The following NRG3 variants were observed in gnomAD, a reference collection of about 807,000 sequenced individuals.
The protein encoded by NRG3 is pro-neuregulin-3, membrane-bound isoform.
Under a neutral mutation model 66.9 loss-of-function variants are expected in NRG3, and 31 were observed. The ratio of observed to expected loss-of-function variants is 0.46; its 90% CI spans 0.35 to 0.63. The LOEUF is 0.63. Among genes scored for constraint, NRG3 ranks in the 20% least tolerant of loss-of-function variants. The pLI, the probability that NRG3 is intolerant of heterozygous loss-of-function variation, is 0.00. For synonymous variants in NRG3, 393 were observed against 359.4 expected, an observed-to-expected ratio of 1.09 and a Z score of -1.06; for missense variants, 910 against 878.9, an observed-to-expected ratio of 1.04 and a Z score of -0.45.
intron 1 of NRG3, among the ~76,000 whole-genome samples, chr10:81,966,012 A>G (rs1305840534): frequency 6.6e-6 from 1 of 152,026 alleles, no homozygotes; most frequent in Non-Finnish European, 1.5e-5. Context: ...AGTATAATGT[A>G]TACTTTACCT....
At chr10:82,327,247 A>C (rs2081920259) in intron 1 of NRG3, among the ~76,000 whole-genome samples, 1 of 152,178 alleles carries the variant, frequency 6.6e-6, no homozygotes, top group Admixed American at 6.5e-5. Context: ...TGGCCTGAGC[A>C]TCAGTGGTAA....
chr10:82,543,437 G>C (rs1414976125), intron 2 of NRG3, among the ~76,000 whole-genome samples: 1 of 152,100 alleles, frequency 6.6e-6, no homozygotes, highest in Non-Finnish European at 1.5e-5. Flanking sequence ...AAGTATTGCT[G>C]TTACAAGTAA....
chr10:82,880,800 C>T (rs1842236075), intron 4 of NRG3, among the ~76,000 whole-genome samples: 1 of 152,176 alleles, frequency 6.6e-6, no homozygotes, highest in Non-Finnish European at 1.5e-5. Flanking sequence ...TTGTGTATTG[C>T]ATGAGGTGTA....
intron 1 of NRG3, among the ~76,000 whole-genome samples, chr10:82,234,465 T>G (rs541481449): frequency 1.3e-5 from 2 of 152,222 alleles, no homozygotes; most frequent in Non-Finnish European, 2.9e-5. Flanking sequence ...GGACGTTATG[T>G]TCCAGGAGAG....
intron 2 of NRG3, among the ~76,000 whole-genome samples, chr10:82,611,621 G>A (rs2048321533): frequency 6.6e-6 from 1 of 152,150 alleles, no homozygotes; most frequent in Non-Finnish European, 1.5e-5. Flanking sequence ...TGGCTGCGTA[G>A]TATTCCATGG....
intron 1 of NRG3, among the ~76,000 whole-genome samples, chr10:82,128,748 T>TG (rs955192356): frequency 6.6e-5 from 6 of 91,206 alleles, no homozygotes; most frequent in African/African-American, 9.6e-5. Context: ...TTTAAATTTC[T>TG]GGGGTTTTTT....
At chr10:82,688,489 C>T (rs917767944) in intron 2 of NRG3, among the ~76,000 whole-genome samples, 1 of 152,112 alleles carries the variant, frequency 6.6e-6, no homozygotes, top group African/African-American at 2.4e-5. Context: ...CTTAGTCAGT[C>T]TTCATGATTT....
At chr10:82,668,419 G>T (rs1174819107) in intron 2 of NRG3, among the ~76,000 whole-genome samples, 1 of 152,100 alleles carries the variant, frequency 6.6e-6, no homozygotes, top group Non-Finnish European at 1.5e-5. Flanking sequence ...ATTTCCACAA[G>T]AAATAAGGAT....
At chr10:82,114,172 A>T (rs531639909) in intron 1 of NRG3, among the ~76,000 whole-genome samples, 2 of 152,244 alleles carry the variant, frequency 1.3e-5, no homozygotes, top group South Asian at 4.1e-4. Flanking sequence ...TTATGGACAA[A>T]CAATATTCCA....
chr10:82,854,986 G>C (rs2063735768), intron 3 of NRG3, among the ~76,000 whole-genome samples: 1 of 152,108 alleles, frequency 6.6e-6, no homozygotes, highest in Non-Finnish European at 1.5e-5. Context: ...CCTTTGGGTA[G>C]CCTTTCTGTT....
At chr10:82,752,855 T>A (rs7075478) in intron 3 of NRG3, among the ~76,000 whole-genome samples, 3 of 152,094 alleles carry the variant, frequency 2.0e-5, no homozygotes, top group African/African-American at 7.2e-5. Context: ...GCCTTTAGGA[T>A]CATAATAAAT....
At chr10:82,495,720 G>A (rs918431829) in intron 2 of NRG3, among the ~76,000 whole-genome samples, 5 of 151,716 alleles carry the variant, frequency 3.3e-5, no homozygotes, top group Non-Finnish European at 7.4e-5. Flanking sequence ...GAGCCCAAAG[G>A]GTAAGCCTCA....
chr10:82,700,961 G>T (rs1415260310), intron 2 of NRG3, among the ~76,000 whole-genome samples: 1 of 152,018 alleles, frequency 6.6e-6, no homozygotes, highest in African/African-American at 2.4e-5. Flanking sequence ...TTCTGAGCCT[G>T]AATTTTCCTA....
At chr10:82,763,374 GA>G (rs1189095610) in intron 3 of NRG3, among the ~76,000 whole-genome samples, 1 of 151,980 alleles carries the variant, frequency 6.6e-6, no homozygotes, top group African/African-American at 2.4e-5. Flanking sequence ...AAATATATTT[GA>G]AAAGTACTTT....
At chr10:82,534,238 T>C (rs1038485102) in intron 2 of NRG3, among the ~76,000 whole-genome samples, 1 of 152,076 alleles carries the variant, frequency 6.6e-6, no homozygotes, top group African/African-American at 2.4e-5. Flanking sequence ...TCAGTGGTAT[T>C]TTCTACCAGT....
At chr10:82,100,885 A>T (rs1362048470) in intron 1 of NRG3, among the ~76,000 whole-genome samples, 2 of 152,002 alleles carry the variant, frequency 1.3e-5, no homozygotes, top group African/African-American at 4.8e-5. Flanking sequence ...GCCTCATAAA[A>T]TTGAGAAGTG....
At chr10:82,709,169 C>T (rs1404007034) in intron 2 of NRG3, among the ~76,000 whole-genome samples, 1 of 152,090 alleles carries the variant, frequency 6.6e-6, no homozygotes, top group East Asian at 1.9e-4. Flanking sequence ...ATTTAGTCAA[C>T]GGAATTAAAT....
chr10:81,939,620 C>T (rs887066471), intron 1 of NRG3, among the ~76,000 whole-genome samples: 4 of 150,970 alleles, frequency 2.6e-5, no homozygotes, highest in African/African-American at 9.7e-5. Flanking sequence ...AATGCCTCCT[C>T]TTTCATTTCT....
chr10:82,135,314 G>A (rs1285726797), intron 1 of NRG3, among the ~76,000 whole-genome samples: 1 of 151,796 alleles, frequency 6.6e-6, no homozygotes, highest in Non-Finnish European at 1.5e-5. Flanking sequence ...ATGTCTTGAG[G>A]TAGGCTTCTT....
Sources: gnomAD v4.1 joint callset for allele counts (sites outside exome capture counted in the v4.1 genomes callset) on GRCh38, gnomAD v4.1.1 for gene constraint, MANE v1.5 for transcripts, NCBI Gene and HGNC (gene_info 2026-07-23, HGNC 2026-07-21) for gene names.